Variants in DDX23 observed in about 807,000 individuals in gnomAD.
DDX23 encodes DEAD-box helicase 23.
In DDX23, 33 loss-of-function variants were observed where a neutral mutation model predicts 102.7. That is an observed-to-expected ratio of 0.32 (90% CI 0.24 to 0.43). DDX23 has a LOEUF of 0.43. Among genes scored for constraint, DDX23 ranks in the 20% least tolerant of loss-of-function variants. The probability of loss-of-function intolerance (pLI) is 1.00; values close to 1 mark genes in which losing one functional copy is unlikely to be tolerated. For missense variants in DDX23, 549 were observed against 1,086.6 expected, an observed-to-expected ratio of 0.51 and a Z score of 6.96; for synonymous variants, 352 against 376.0, an observed-to-expected ratio of 0.94 and a Z score of 0.74.
intron 1 of DDX23, among the ~76,000 whole-genome samples, chr12:48,848,804 T>C (rs1428769576): frequency 6.7e-6 from 1 of 148,504 alleles, no homozygotes; most frequent in East Asian, 2.0e-4. Context: ...CAGGCTGGAG[T>C]GCAATGGCAT....
At chr12:48,831,534 A>T (rs1300929402) in intron 15 of DDX23, among the ~76,000 whole-genome samples, 1 of 152,202 alleles carries the variant, frequency 6.6e-6, no homozygotes, top group African/African-American at 2.4e-5. Flanking sequence ...GGACACACAG[A>T]GTAAGGTCAA....
At chr12:48,837,811 C>G (rs1938485980) in intron 6 of DDX23, 131 bp downstream of exon 6, 2 of 1,532,528 alleles carry the variant, frequency 1.3e-6, no homozygotes, top group Non-Finnish European at 1.8e-6. Context: ...AATGTTTTCT[C>G]ATAAACTCCC....
intron 8 of DDX23, 121 bp from the exon 9 acceptor site, chr12:48,837,158 G>T: frequency 6.4e-7 from 1 of 1,550,868 alleles, no homozygotes; most frequent in Non-Finnish European, 8.8e-7. Flanking sequence ...CCAGAGGGCT[G>T]GCTGACTACC....
intron 3 of DDX23, among the ~76,000 whole-genome samples, chr12:48,842,866 G>C (rs1938592451): frequency 6.6e-6 from 1 of 151,438 alleles, no homozygotes; most frequent in Non-Finnish European, 1.5e-5. Flanking sequence ...GGCGGGAAAG[G>C]TGGGGAAAAG....
intron 3 of DDX23, among the ~76,000 whole-genome samples, chr12:48,841,885 C>A (rs1328496708): frequency 3.3e-5 from 5 of 152,212 alleles, no homozygotes; most frequent in East Asian, 1.9e-4. Context: ...GCCGCCATCC[C>A]ATCTAGGAAG....
rs1938400971 is a variant in DDX23 at position 48,832,272 on chromosome 12, AG to A, written c.1956-87del. On this transcript the variant is annotated intron_variant, in intron 14 of 16. Transcript: ENST00000308025. The surrounding 1 kb of genome is among the most constrained non-coding windows in gnomAD (Gnocchi z 4.4). ...ACCCTCATCTATGAACACTACTTTCAGGGTCTTTAATGCCCATGACATTCTG... is the reference window on the plus strand; with the variant it reads ...ACCCTCATCTATGAACACTACTTTCAGGTCTTTAATGCCCATGACATTCTG... 2 of 1,558,732 alleles carry A rather than the reference AG, an allele frequency of 1.3e-6. No individual in the cohort carries two copies. The highest frequency in any genetic ancestry group is 1.4e-5 in the African/African-American group (1 of 73,684).
rs1387803691 is a variant in DDX23, at chr12:48,842,195, C to A, written c.320+1745G>T. On this transcript the variant is annotated intron_variant, in intron 3 of 16. Coordinates refer to ENST00000308025, the MANE Select transcript of DDX23 (RefSeq NM_004818.3). ...AGGTGGGGGGGGTTAGCTCCCCACC[C>A]GGCCAGCCGCCCCGTCCAGGAGGGA... 2.6e-5 allele frequency among the ~76,000 whole-genome samples: 4 copies of A among 151,064 alleles called. No individual in the cohort carries two copies. The East Asian group carries it at 8.0e-4, about 30-fold the overall frequency.
chr12:48,837,045 T>A lies in DDX23; in HGVS notation c.867-8A>T. On this transcript the variant is annotated splice_region_variant and splice_polypyrimidine_tract_variant and intron_variant, in intron 8 of 16. Transcript: ENST00000308025. ...TGGTGCCGTTCTTTGTACCTGGGATTGAGATAGAGGAAAAGAAAAAAGAAG... is the reference window on the plus strand; with the variant it reads ...TGGTGCCGTTCTTTGTACCTGGGATAGAGATAGAGGAAAAGAAAAAAGAAG... The A allele has an allele frequency of 6.2e-7, 1 of 1,613,834 alleles. No individual in the cohort carries two copies.
intron 6 of DDX23, 76 bp downstream of exon 6, chr12:48,837,866 C>G (rs1938487015): frequency 1.9e-6 from 3 of 1,590,724 alleles, no homozygotes; most frequent in Non-Finnish European, 2.6e-6. Context: ...AGGTTTCTAT[C>G]TCTCCTAAGA....
In DDX23 at chr12:48,833,065, C is replaced by T. The variant is rs1938415476; in HGVS notation, c.1803+212G>A. On this transcript the variant is annotated intron_variant, in intron 13 of 16. Coordinates refer to ENST00000308025, the MANE Select transcript of DDX23 (RefSeq NM_004818.3). ...GTGGCACGACCTCAGCTCACTGCGA[C>T]CACTGCCTCCCAGGCTTAAGAGGTC... 7.9e-6 allele frequency: 5 copies of T among 633,550 alleles called. No homozygotes were observed. In the African/African-American group the frequency reaches 9.2e-5, roughly 12 times the overall value. The allele number at this position is 633,550 out of a possible 1,614,324, so 39.2% of individuals were successfully genotyped here.
rs1329555421 is a variant in DDX23, at chr12:48,834,297, GGCT to G, written c.1560+20_1560+22del. On this transcript the variant is annotated intron_variant, in intron 12 of 16. Transcript: ENST00000308025. ...AGATAGCCTTCCCAGACAGCAGGCT[GGCT>G]GCTAGATAGAAAAACAAACCTCACA... The G allele has an allele frequency of 1.4e-5, 23 of 1,591,274 alleles. No individual in the cohort carries two copies. In the African/African-American group the frequency reaches 3.1e-4, roughly 21 times the overall value.
At chr12:48,840,294 C>A in intron 3 of DDX23, 188 bp from the exon 4 acceptor site, 1 of 662,592 alleles carries the variant, frequency 1.5e-6, no homozygotes, top group Non-Finnish European at 2.8e-6. Context: ...CTAATTATGG[C>A]CCTGTCTTGG....
rs1316018817 is a variant in DDX23 at position 48,843,981 on chromosome 12, G to A, written c.279C>T (p.Asp93=). Residue 93 remains aspartate (D), a synonymous_variant, in exon 3 of 17, where the codon GAC becomes GAT. Coordinates refer to ENST00000308025, the MANE Select transcript of DDX23 (RefSeq NM_004818.3). ...RDRNKKDRDR[D]KDGHRRDKDR... ...CCTTGTCCCGTCTGTGCCCATCCTT[G>A]TCTCGATCTCGGTCCTTCTTATTCC... 1.2e-6 allele frequency: 2 copies of A among 1,614,030 alleles called. No individual in the cohort carries two copies. The highest frequency in any genetic ancestry group is 1.1e-5 in the South Asian group (1 of 91,074).
At chr12:48,834,610 G>A in intron 11 of DDX23, 113 bp from the exon 12 acceptor site, 1 of 1,018,196 alleles carries the variant, frequency 9.8e-7, no homozygotes, top group South Asian at 1.6e-5. Context: ...GGAGGATGAT[G>A]AGAAAAGAAT....
At chr12:48,842,234 TC>T (rs1277982575) in intron 3 of DDX23, among the ~76,000 whole-genome samples, 1 of 112,874 alleles carries the variant, frequency 8.9e-6, no homozygotes, top group African/African-American at 3.5e-5. Flanking sequence ...GGGGGGGTCA[TC>T]CCCCCACCCG....
intron 2 of DDX23, 48 bp downstream of exon 2, chr12:48,845,526 T>C: frequency 1.2e-6 from 2 of 1,600,554 alleles, no homozygotes; most frequent in Non-Finnish European, 1.7e-6. Context: ...GGAAGAAATC[T>C]GAAACGTACT....
chr12:48,843,187 G>T (rs1278999976), intron 3 of DDX23, among the ~76,000 whole-genome samples: 1 of 150,132 alleles, frequency 6.7e-6, no homozygotes, highest in Non-Finnish European at 1.5e-5. Context: ...CTCTGCCTAG[G>T]AAAACCAGAG....
intron 16 of DDX23, 106 bp downstream of exon 16, chr12:48,831,036 G>T (rs990835929): frequency 1.6e-6 from 2 of 1,287,502 alleles, no homozygotes; most frequent in African/African-American, 1.5e-5. Flanking sequence ...ACTTGGAACT[G>T]AGGGAGGCAG....
At chr12:48,834,685 G>C (rs1177745717) in intron 11 of DDX23, 188 bp from the exon 12 acceptor site, 2 of 526,330 alleles carry the variant, frequency 3.8e-6, no homozygotes, top group East Asian at 6.7e-5. Flanking sequence ...TGTAATCCCA[G>C]AACTTTGGGA....
Sources: allele counts gnomAD v4.1 joint callset (sites outside exome capture counted in the v4.1 genomes callset), GRCh38; gene constraint gnomAD v4.1.1; non-coding constraint Gnocchi (gnomAD v3.1); transcripts MANE v1.5; gene names NCBI Gene and HGNC (gene_info 2026-07-23, HGNC 2026-07-21).